Variants in THADA observed in about 807,000 individuals in gnomAD.
THADA encodes the protein THADA armadillo repeat containing.
THADA carries 213 observed loss-of-function variants against 219.8 expected under a neutral mutation model. The observed-to-expected ratio is 0.97, with a 90% CI of 0.87 to 1.09. The LOEUF is 1.09. THADA is among the 50% of genes least tolerant of loss of function. The pLI is 0.00. For missense variants in THADA, 2,956 were observed against 2,311.3 expected (o/e 1.28, Z -5.72); for synonymous variants, 1,018 against 828.9 (o/e 1.23, Z -3.92).
In THADA at chr2:43,490,456, T is replaced by A. The variant is rs1687488976; in HGVS notation, c.3745-5131A>T. Among the ~76,000 whole-genome samples the A allele has an allele frequency of 2.6e-5, 4 of 152,198 alleles. No individual in the cohort carries two copies. In the South Asian group the frequency reaches 8.3e-4, roughly 31 times the overall value. ...TTCAGTCCTTTACCATCAAGTATAT[T>A]GTTGACTCTGGATTTTCCACTGAGG... On this transcript the variant is annotated intron_variant, in intron 25 of 37. Coordinates refer to ENST00000405975, the MANE Select transcript of THADA (RefSeq NM_022065.5).
chr2:43,344,315 C>G, intron 29 of THADA, 78 bp from the exon 30 acceptor site: 1 of 1,000,574 alleles, frequency 1.0e-6, no homozygotes, highest in Non-Finnish European at 1.5e-6. Context: ...TTTTAAGTTT[C>G]CTTAAAATGT....
chr2:43,502,773 G>C (rs1044729664), intron 24 of THADA, among the ~76,000 whole-genome samples: 5 of 151,574 alleles, frequency 3.3e-5, no homozygotes, highest in Non-Finnish European at 5.9e-5. Flanking sequence ...AGTAAAAAGA[G>C]AAAACATAGT....
At chr2:43,481,089 T>C (rs1686157980) in intron 26 of THADA, among the ~76,000 whole-genome samples, 1 of 152,144 alleles carries the variant, frequency 6.6e-6, no homozygotes, top group Non-Finnish European at 1.5e-5. Context: ...CTAGAAAACA[T>C]GAAGAACAGG....
At chr2:43,325,298 GTT>G (rs370573851) in intron 30 of THADA, among the ~76,000 whole-genome samples, 13 of 147,166 alleles carry the variant, frequency 8.8e-5, no homozygotes, top group African/African-American at 3.2e-4. Flanking sequence ...GTGGCTGCAG[GTT>G]TTTTTTTTTG....
chr2:43,366,544 G>A (rs1371318348), intron 29 of THADA, among the ~76,000 whole-genome samples: 1 of 152,144 alleles, frequency 6.6e-6, no homozygotes, highest in Non-Finnish European at 1.5e-5. Context: ...AAGAGAGGAG[G>A]AGGTAGCCAA....
At position 43,292,960 on chromosome 2, in the gene THADA, G is replaced by A. The variant is rs1035274489; in HGVS notation, c.4692C>T (p.Leu1564=). 1.2e-6 allele frequency: 2 copies of A among 1,614,036 alleles called. No individual in the cohort carries two copies. The highest frequency in any genetic ancestry group is 2.7e-5 in the African/African-American group (2 of 75,064). Residue 1564 remains leucine (L), a synonymous_variant, in exon 32 of 38, where the codon CTC becomes CTT. Transcript: ENST00000405975. ...AGGCTGCTGCTAAGAACTTTTCCAA[G>A]AGGGCTTCCAGTGTTAGTGAGCGCA... The part of the protein sequence containing the change: ...PEVRSLTLEA[L]LEKFLAAASG...
intron 28 of THADA, among the ~76,000 whole-genome samples, chr2:43,421,723 C>T (rs759004750): frequency 6.6e-6 from 1 of 152,174 alleles, no homozygotes; most frequent in Non-Finnish European, 1.5e-5. Flanking sequence ...ATAAAGAATG[C>T]TTTTCAGACA....
chr2:43,514,768 AAT>A (rs1171682446), intron 22 of THADA, among the ~76,000 whole-genome samples: 1 of 92,448 alleles, frequency 1.1e-5, no homozygotes, highest in Non-Finnish European at 1.9e-5. Context: ...TAATATGTAT[AAT>A]ATATATTTTA....
At chr2:43,263,554 C>T (rs189977153) in intron 36 of THADA, among the ~76,000 whole-genome samples, 107 of 152,262 alleles carry the variant, frequency 7.0e-4, no homozygotes, top group African/African-American at 2.4e-3. Context: ...AAAGAGCCAA[C>T]ATGCTAAGGA....
intron 27 of THADA, 100 bp downstream of exon 27, chr2:43,430,113 G>A (rs1679042671): frequency 1.8e-6 from 1 of 569,880 alleles, no homozygotes; most frequent in Non-Finnish European, 2.9e-6. Flanking sequence ...TTAAAAAAGG[G>A]AAGAATTTTA....
intron 35 of THADA, among the ~76,000 whole-genome samples, chr2:43,282,850 T>A (rs1673525630): frequency 6.6e-6 from 1 of 152,120 alleles, no homozygotes; most frequent in Non-Finnish European, 1.5e-5. Flanking sequence ...ACACACGGAG[T>A]AGCAGTGAGG....
At chr2:43,586,304 G>A in intron 7 of THADA, 97 bp downstream of exon 7, 3 of 1,027,478 alleles carry the variant, frequency 2.9e-6, no homozygotes, top group South Asian at 1.9e-5. Context: ...GAAAAGGGAT[G>A]AAAAGATCAC....
chr2:43,431,175 T>A (rs1321698814), intron 26 of THADA, among the ~76,000 whole-genome samples: 1 of 152,210 alleles, frequency 6.6e-6, no homozygotes, highest in African/African-American at 2.4e-5. Flanking sequence ...TTATCAGCTC[T>A]ACATGTTATG....
chr2:43,330,516 G>A (rs1393053508), intron 30 of THADA, among the ~76,000 whole-genome samples: 1 of 152,194 alleles, frequency 6.6e-6, no homozygotes, highest in Non-Finnish European at 1.5e-5. Flanking sequence ...CTTAATATGA[G>A]GGCAGATGTG....
At position 43,287,258 on chromosome 2, in the gene THADA, A is replaced by G. The variant is rs114039709; in HGVS notation, c.5011-197T>C. Among the ~76,000 whole-genome samples the G allele has an allele frequency of 1.1e-3, 168 of 152,242 alleles. 2 individuals carry two copies. The highest frequency in any genetic ancestry group is 4.0e-3 in the African/African-American group (165 of 41,552). ...AAGAAAATCTGACTTGTCTTTCGGT[A>G]AGATGGAGTCACTATGACTAGACAA... On this transcript the variant is annotated intron_variant, in intron 34 of 37. Transcript: ENST00000405975.
chr2:43,352,424 G>A (rs974598059), intron 29 of THADA, among the ~76,000 whole-genome samples: 10 of 152,100 alleles, frequency 6.6e-5, no homozygotes, highest in Admixed American at 4.6e-4. Flanking sequence ...TGGGTGTGGT[G>A]GCTTGTGCCT....
intron 21 of THADA, among the ~76,000 whole-genome samples, chr2:43,534,077 T>C (rs1442854070): frequency 6.6e-6 from 1 of 152,206 alleles, no homozygotes; most frequent in African/African-American, 2.4e-5. Flanking sequence ...TTCAAATATG[T>C]ATTTTTTATA....
intron 17 of THADA, among the ~76,000 whole-genome samples, chr2:43,552,748 A>G (rs1026731545): frequency 3.9e-5 from 6 of 152,112 alleles, no homozygotes; most frequent in African/African-American, 1.4e-4. Context: ...TATTAGTCAC[A>G]TATGTACAAC....
At chr2:43,585,118 A>G (rs530549378) in intron 7 of THADA, among the ~76,000 whole-genome samples, 10 of 152,232 alleles carry the variant, frequency 6.6e-5, no homozygotes, top group African/African-American at 2.4e-4. Context: ...AGTTACCCCA[A>G]GAAAGAGCTC....
Sources: gnomAD v4.1 joint callset for allele counts (sites outside exome capture counted in the v4.1 genomes callset) on GRCh38, gnomAD v4.1.1 for gene constraint, MANE v1.5 for transcripts, NCBI Gene and HGNC (gene_info 2026-07-23, HGNC 2026-07-21) for gene names.